TLK2: variants seen among roughly 807,000 people sequenced by gnomAD.
The protein encoded by TLK2 is tousled like kinase 2.
TLK2 carries 6 observed loss-of-function variants against 117.3 expected under a neutral mutation model. That is an observed-to-expected ratio of 0.05 (90% CI 0.03 to 0.10). TLK2 has a LOEUF of 0.10. Ranked by LOEUF, TLK2 falls within the 10% of genes least tolerant of loss-of-function variation. TLK2 has a pLI of 1.00. For missense variants in TLK2, 299 were observed against 901.2 expected (o/e 0.33, Z 8.56); for synonymous variants, 257 against 316.7 (o/e 0.81, Z 2.00).
intron 16 of TLK2, among the ~76,000 whole-genome samples, chr17:62,586,737 C>T (rs1452554660): frequency 6.6e-6 from 1 of 151,636 alleles, no homozygotes; most frequent in African/African-American, 2.4e-5. Context: ...AGGAGAATGG[C>T]GTGAACTCGG....
chr17:62,471,917 T>TTTTTTTTTTTA (rs1555579389), intron 1 of TLK2, among the ~76,000 whole-genome samples: 3 of 140,796 alleles, frequency 2.1e-5, no homozygotes, highest in Admixed American at 7.3e-5. Flanking sequence ...TTTTTTTTTT[T>TTTTTTTTTTTA]AGACAGAGTC....
intron 7 of TLK2, among the ~76,000 whole-genome samples, chr17:62,545,018 C>T (rs1335369494): frequency 6.6e-6 from 1 of 152,024 alleles, no homozygotes; most frequent in Non-Finnish European, 1.5e-5. Context: ...TATAGAAATA[C>T]AATTGATTTT....
Position 62,481,109 on chromosome 17 carries a change from T to C in TLK2, c.-5-12T>C, listed in dbSNP as rs1239404721. ...GTGTTTATGGTTTCACAGCCTACTT[T>C]TTCTTTTTCAGCAGAAATGATGGAA... On this transcript the variant is annotated splice_polypyrimidine_tract_variant and intron_variant, in intron 1 of 21. Transcript: ENST00000346027. 2 of 1,613,468 alleles carry C rather than the reference T, an allele frequency of 1.2e-6. No homozygotes were observed. Among genetic ancestry groups the C allele is most frequent in the Admixed American group, 1.7e-5 (1 of 59,912 alleles).
chr17:62,573,805 C>G (rs2080518424), intron 12 of TLK2, among the ~76,000 whole-genome samples: 1 of 152,198 alleles, frequency 6.6e-6, no homozygotes, highest in Non-Finnish European at 1.5e-5. Context: ...ATAAGCCCCC[C>G]AGAAAGCTGT....
intron 6 of TLK2, among the ~76,000 whole-genome samples, chr17:62,528,401 T>A (rs1179673632): frequency 1.3e-5 from 2 of 152,224 alleles, no homozygotes; most frequent in South Asian, 2.1e-4. Flanking sequence ...TTTATTTTTT[T>A]AAATTTATTT....
At chr17:62,549,083 A>G (rs2078179797) in intron 7 of TLK2, among the ~76,000 whole-genome samples, 1 of 148,628 alleles carries the variant, frequency 6.7e-6, no homozygotes, top group African/African-American at 2.5e-5. Flanking sequence ...TATAGTTCAG[A>G]CAGTCATTTG....
intron 1 of TLK2, among the ~76,000 whole-genome samples, chr17:62,473,753 T>C (rs2070984779): frequency 6.6e-6 from 1 of 152,200 alleles, no homozygotes; most frequent in African/African-American, 2.4e-5. Context: ...ACAGCCATAA[T>C]CCATCATTCA....
chr17:62,583,813 G>C (rs974431667), intron 15 of TLK2, among the ~76,000 whole-genome samples: 2 of 151,564 alleles, frequency 1.3e-5, no homozygotes, highest in South Asian at 2.1e-4. Flanking sequence ...TCCTGACCTC[G>C]TGATCTGCCT....
chr17:62,591,607 G>T (rs1262716121), intron 16 of TLK2, among the ~76,000 whole-genome samples: 3 of 152,144 alleles, frequency 2.0e-5, no homozygotes, highest in Non-Finnish European at 4.4e-5. Context: ...TAAAGATGAT[G>T]AAATGAAGCG....
At chr17:62,550,689 T>G (rs2078387702) in intron 7 of TLK2, 1 of 152,284 alleles carries the variant, frequency 6.6e-6, no homozygotes, top group South Asian at 2.1e-4. Flanking sequence ...AACAGTCTAC[T>G]GTGGTCATTG....
At position 62,524,260 on chromosome 17, in the gene TLK2, A is replaced by G. The variant is rs200397735; in HGVS notation, c.292A>G (p.Thr98Ala). 20 of 1,613,778 alleles carry G rather than the reference A, an allele frequency of 1.2e-5. No homozygotes were observed. The highest frequency in any genetic ancestry group is 4.0e-5 in the African/African-American group (3 of 74,906). The stretch of plus-strand genomic sequence containing the variant: ...GTTTGCTGGGGGAAGCGCGCCAGGA[A>G]CCAGCCCTGGCAGAAGTGTTCCACC... Reference protein sequence around the residue: ...FEFAGGSAPGTSPGRSVPPVA... With the variant: ...FEFAGGSAPGASPGRSVPPVA... The change falls in exon 6 of 22, where the codon ACC becomes GCC. Residue 98 changes from threonine to alanine, a missense_variant. Around this residue, in one of 4 missense-constraint regions of TLK2, gnomAD observed 105 missense variants for 218.4 expected, o/e 0.48. Transcript: ENST00000346027.
In TLK2 at chr17:62,580,842, T is replaced by C. The variant is rs373023555; in HGVS notation, c.1368+650T>C. On this transcript the variant is annotated intron_variant, in intron 15 of 21. Transcript: ENST00000346027. ...AGAATTGTTTATTAAGTAGTCTTTG[T>C]TGCATAGCTGTCCCTTTCAGAAATA... Among the ~76,000 whole-genome samples the C allele has an allele frequency of 1.1e-4, 17 of 152,366 alleles. No homozygotes were observed. The South Asian group carries it at 3.5e-3, about 32-fold the overall frequency.
chr17:62,581,947 T>G (rs901113412), intron 15 of TLK2, among the ~76,000 whole-genome samples: 2 of 152,144 alleles, frequency 1.3e-5, no homozygotes, highest in Non-Finnish European at 2.9e-5. Flanking sequence ...TAGAGTTGAC[T>G]CATAAAAATT....
At chr17:62,530,544 C>A (rs1230146637) in intron 6 of TLK2, among the ~76,000 whole-genome samples, 2 of 152,164 alleles carry the variant, frequency 1.3e-5, no homozygotes, top group Non-Finnish European at 2.9e-5. Context: ...TCATCCTCTA[C>A]CAAATAAAAT....
In TLK2 at chr17:62,479,044, C is replaced by CCCGCGT. The variant is rs2071275289; in HGVS notation, c.-250_-245dup. ...CCCCCCGCGGCCGCCCGGGCCCGGG[C>CCCGCGT]CCGCGTCGGGCGCCTGGCTCTGTAC... On this transcript the variant is annotated 5_prime_UTR_variant, in exon 1 of 22. Transcript: ENST00000346027. 1 of 148,184 alleles carries CCCGCGT rather than the reference C, an allele frequency of 6.7e-6. No individual in the cohort carries two copies. The highest frequency in any genetic ancestry group is 1.5e-5 in the Non-Finnish European group (1 of 66,614). 9.2% of individuals were successfully genotyped at this position (148,184 alleles called of 1,614,324 possible).
chr17:62,496,117 T>G (rs987962106), intron 2 of TLK2, among the ~76,000 whole-genome samples: 3 of 152,214 alleles, frequency 2.0e-5, no homozygotes, highest in South Asian at 2.1e-4. Context: ...ATTTGAGAGA[T>G]ATATCTGCAA....
At position 62,578,594 on chromosome 17, in the gene TLK2, A is replaced by G. The variant is rs2080985359; in HGVS notation, c.1286+20A>G. On this transcript the variant is annotated intron_variant, in intron 14 of 21. Coordinates refer to ENST00000346027, the MANE Select transcript of TLK2 (RefSeq NM_006852.6). ...TTCACAGTAAGCTACTTCAGGGCAT[A>G]TTGGGTTGGAGATTGCTAAGCATTT... 6.3e-7 allele frequency: 1 copy of G among 1,583,150 alleles called. No homozygotes were observed. The highest frequency in any genetic ancestry group is 8.7e-7 in the Non-Finnish European group (1 of 1,152,262).
intron 9 of TLK2, among the ~76,000 whole-genome samples, chr17:62,557,974 CACAG>C (rs1197445658): frequency 6.6e-6 from 1 of 152,090 alleles, no homozygotes; most frequent in Admixed American, 6.6e-5. Context: ...AAAAGGAAGA[CACAG>C]AGGGCAGCTG....
At chr17:62,483,321 T>C (rs555707680) in intron 2 of TLK2, among the ~76,000 whole-genome samples, 100 of 152,322 alleles carry the variant, frequency 6.6e-4, no homozygotes, top group African/African-American at 2.3e-3. Context: ...ATACTTTTGA[T>C]GGAGTAGGGC....
Sources: gnomAD v4.1 joint callset for allele counts (sites outside exome capture counted in the v4.1 genomes callset) on GRCh38, gnomAD v4.1.1 for gene constraint, gnomAD v4.1.1 regional missense constraint, MANE v1.5 for transcripts, NCBI Gene and HGNC (gene_info 2026-07-23, HGNC 2026-07-21) for gene names.